The following RFX3 variants were observed in gnomAD, a reference collection of about 807,000 sequenced individuals.
The protein encoded by RFX3 is transcription factor RFX3.
Under a neutral mutation model 98.6 loss-of-function variants are expected in RFX3, and 14 were observed. The observed-to-expected ratio is 0.14, with a 90% confidence interval of 0.09 to 0.22. The LOEUF (loss-of-function observed/expected upper bound fraction) is 0.22, where lower values mean the gene tolerates loss of function less well. RFX3 is among the 10% of genes least tolerant of loss of function. The pLI, the probability that RFX3 is intolerant of heterozygous loss-of-function variation, is 1.00. For missense variants in RFX3, 639 were observed against 926.9 expected, an observed-to-expected ratio of 0.69 and a Z score of 4.03; for synonymous variants, 383 against 328.4, an observed-to-expected ratio of 1.17 and a Z score of -1.80.
chr9:3,245,067 T>C (rs978130876), intron 15 of RFX3, among the ~76,000 whole-genome samples: 1 of 152,204 alleles, frequency 6.6e-6, no homozygotes, highest in African/African-American at 2.4e-5. Context: ...TGACTCAAAG[T>C]CCTTTATTGT....
At chr9:3,256,229 C>G (rs1012910569) in intron 14 of RFX3, among the ~76,000 whole-genome samples, 1 of 152,104 alleles carries the variant, frequency 6.6e-6, no homozygotes, top group Non-Finnish European at 1.5e-5. Flanking sequence ...CTCAGCCTCC[C>G]AAAGTGCTGG....
At chr9:3,338,177 T>C (rs575878371) in intron 3 of RFX3, among the ~76,000 whole-genome samples, 45 of 152,302 alleles carry the variant, frequency 3.0e-4, no homozygotes, top group Middle Eastern at 6.8e-3. Flanking sequence ...TAAAAAAGAA[T>C]AGGTTAAATA....
At chr9:3,303,443 T>C (rs540264870) in intron 4 of RFX3, among the ~76,000 whole-genome samples, 1 of 152,012 alleles carries the variant, frequency 6.6e-6, no homozygotes, top group Admixed American at 6.6e-5. Context: ...ATATTTTCTT[T>C]AAAGTTTGAG....
At chr9:3,502,984 T>A (rs1239888713) in intron 1 of RFX3, among the ~76,000 whole-genome samples, 3 of 152,156 alleles carry the variant, frequency 2.0e-5, no homozygotes, top group African/African-American at 7.2e-5. Context: ...TGTTTCCTAA[T>A]CAAAAGAGTT....
At chr9:3,229,559 T>C (rs1195506398) in intron 15 of RFX3, among the ~76,000 whole-genome samples, 2 of 152,210 alleles carry the variant, frequency 1.3e-5, no homozygotes, top group Non-Finnish European at 2.9e-5. Context: ...TTTAGTTCAA[T>C]AGTTTGATAA....
intron 13 of RFX3, among the ~76,000 whole-genome samples, chr9:3,260,872 A>G (rs558756073): frequency 6.7e-6 from 1 of 149,904 alleles, no homozygotes; most frequent in Non-Finnish European, 1.5e-5. Flanking sequence ...AATAGATATA[A>G]ATATCTAATA....
intron 7 of RFX3, among the ~76,000 whole-genome samples, chr9:3,280,138 C>T (rs1825746300): frequency 1.3e-5 from 2 of 151,814 alleles, no homozygotes; most frequent in East Asian, 1.9e-4. Flanking sequence ...AGCAAAGACA[C>T]ACTATGTGCA....
intron 2 of RFX3, among the ~76,000 whole-genome samples, chr9:3,382,827 T>C (rs1839331356): frequency 6.6e-6 from 1 of 152,136 alleles, no homozygotes; most frequent in South Asian, 2.1e-4. Context: ...TATTTTTCGC[T>C]ATATATTTCT....
Position 3,330,323 on chromosome 9 carries a change from A to C in RFX3, c.410T>G (p.Ile137Ser). 1 of 1,614,154 alleles carries C rather than the reference A, an allele frequency of 6.2e-7. No homozygotes were observed. The highest frequency in any genetic ancestry group is 1.3e-5 in the African/African-American group (1 of 75,062). Reference sequence around the variant, plus strand: ...ACCAGAATTCTCCATTGAGTTGCCGATCAGATAGGTTCCTCCAGAGCTGCT... The same window carrying C: ...ACCAGAATTCTCCATTGAGTTGCCGCTCAGATAGGTTCCTCCAGAGCTGCT... ...LISSSGGTYL[I>S]GNSMENSGHS... The change falls in exon 4 of 17, where the codon ATC (isoleucine) becomes AGC (serine). Residue 137 changes from isoleucine to serine, a missense_variant. Ile to Ser is a moderately radical substitution (Grantham distance 142, BLOSUM62 -2). Around this residue, in one of 9 missense-constraint regions of RFX3, gnomAD observed 210 missense variants for 197.7 expected, o/e 1.06. Coordinates refer to ENST00000617270, the MANE Select transcript of RFX3 (RefSeq NM_001282116.2).
intron 12 of RFX3, among the ~76,000 whole-genome samples, chr9:3,264,714 G>C (rs1823385905): frequency 6.6e-6 from 1 of 152,190 alleles, no homozygotes; most frequent in African/African-American, 2.4e-5. Flanking sequence ...AGCCACAGTA[G>C]TTGGAATGCT....
At chr9:3,424,603 G>C (rs923184438) in intron 1 of RFX3, among the ~76,000 whole-genome samples, 1 of 150,986 alleles carries the variant, frequency 6.6e-6, no homozygotes, top group Non-Finnish European at 1.5e-5. Flanking sequence ...CTCGTGCTCC[G>C]CCCGCCTCGG....
chr9:3,513,062 A>G (rs1401203243), intron 1 of RFX3, among the ~76,000 whole-genome samples: 2 of 152,118 alleles, frequency 1.3e-5, no homozygotes, highest in Non-Finnish European at 2.9e-5. Flanking sequence ...AACTCAATGG[A>G]AATCTAAGTC....
chr9:3,463,987 T>C (rs1847965185), intron 1 of RFX3, among the ~76,000 whole-genome samples: 1 of 152,064 alleles, frequency 6.6e-6, no homozygotes, highest in Non-Finnish European at 1.5e-5. Context: ...GGAAATGGTT[T>C]GGACACTTTA....
chr9:3,468,847 A>G (rs975968145), intron 1 of RFX3, among the ~76,000 whole-genome samples: 3 of 151,590 alleles, frequency 2.0e-5, no homozygotes, highest in African/African-American at 4.8e-5. Flanking sequence ...AAGAAAAAAA[A>G]GAAGAAAAAC....
chr9:3,432,883 TAAAGAAAC>T (rs1311353469), intron 1 of RFX3, among the ~76,000 whole-genome samples: 1 of 152,124 alleles, frequency 6.6e-6, no homozygotes, highest in Non-Finnish European at 1.5e-5. Context: ...GTTGGTACTG[TAAAGAAAC>T]ATTTTTAGAG....
chr9:3,385,184 T>C (rs888439359), intron 2 of RFX3, among the ~76,000 whole-genome samples: 5 of 152,200 alleles, frequency 3.3e-5, no homozygotes, highest in African/African-American at 9.6e-5. Context: ...GTTCAAATTA[T>C]ATGTAAGTAC....
intron 1 of RFX3, among the ~76,000 whole-genome samples, chr9:3,445,619 C>A (rs907500335): frequency 2.8e-4 from 43 of 152,182 alleles, no homozygotes; most frequent in African/African-American, 9.9e-4. Context: ...GTATTCCCAC[C>A]CAATTTATTT....
intron 1 of RFX3, among the ~76,000 whole-genome samples, chr9:3,513,811 A>C (rs1372669225): frequency 6.6e-6 from 1 of 152,182 alleles, no homozygotes; most frequent in Non-Finnish European, 1.5e-5. Context: ...TCTCTTTCCA[A>C]GTTCCAAGAT....
rs566190734 is a variant in RFX3, at chr9:3,255,424, C to G, written c.1814+1567G>C. On this transcript the variant is annotated intron_variant, in intron 14 of 16. Coordinates refer to ENST00000617270, the MANE Select transcript of RFX3 (RefSeq NM_001282116.2). ...GTCCAGAGGATGACCATAGTGTAGCCACAGCTACAGTCAGGTGTATGTCCT... is the reference window on the plus strand; with the variant it reads ...GTCCAGAGGATGACCATAGTGTAGCGACAGCTACAGTCAGGTGTATGTCCT... Among the ~76,000 whole-genome samples the G allele has an allele frequency of 2.2e-4, 33 of 152,306 alleles. 1 individual carries two copies. In the South Asian group the frequency reaches 3.5e-3, roughly 16 times the overall value.
Sources: allele counts gnomAD v4.1 joint callset (sites outside exome capture counted in the v4.1 genomes callset), GRCh38; gene constraint gnomAD v4.1.1; regional missense constraint gnomAD v4.1.1; transcripts MANE v1.5; gene names NCBI Gene and HGNC (gene_info 2026-07-23, HGNC 2026-07-21).